NRG1: variants seen among roughly 807,000 people sequenced by gnomAD.
NRG1 encodes pro-neuregulin-1, membrane-bound isoform.
NRG1 carries 18 observed loss-of-function variants against 63.8 expected under a neutral mutation model. The ratio of observed to expected loss-of-function variants is 0.28; its 90% CI spans 0.19 to 0.42. The LOEUF (loss-of-function observed/expected upper bound fraction) is 0.42. NRG1 is among the 10% of genes least tolerant of loss of function. The pLI, the probability that NRG1 is intolerant of heterozygous loss-of-function variation, is 1.00. For synonymous variants in NRG1, 302 were observed against 301.3 expected (o/e 1.00, Z -0.02); for missense variants, 762 against 814.7 (o/e 0.94, Z 0.79).
intron 1 of NRG1, among the ~76,000 whole-genome samples, chr8:32,019,002 T>C (rs565453497): frequency 6.6e-6 from 1 of 152,392 alleles, no homozygotes; most frequent in South Asian, 2.1e-4. Context: ...GACATTTTCA[T>C]AGGCCTCAAC....
intron 1 of NRG1, among the ~76,000 whole-genome samples, chr8:31,890,246 AG>A (rs1831044706): frequency 1.3e-5 from 2 of 152,352 alleles, no homozygotes; most frequent in East Asian, 3.9e-4. Flanking sequence ...AATGGTTTAG[AG>A]AAGAGATCTT....
intron 1 of NRG1, among the ~76,000 whole-genome samples, chr8:31,977,133 C>T (rs1411082217): frequency 6.6e-6 from 1 of 152,130 alleles, no homozygotes; most frequent in African/African-American, 2.4e-5. Context: ...CGCAAACCAT[C>T]TATGTTCAAA....
At chr8:32,692,320 C>A (rs1348541300) in intron 5 of NRG1, among the ~76,000 whole-genome samples, 1 of 152,180 alleles carries the variant, frequency 6.6e-6, no homozygotes, top group African/African-American at 2.4e-5. Flanking sequence ...GAGTCAGTTT[C>A]ATTCAGTCTC....
intron 1 of NRG1, among the ~76,000 whole-genome samples, chr8:32,343,472 G>T (rs996220034): frequency 1.3e-5 from 2 of 152,070 alleles, no homozygotes; most frequent in African/African-American, 4.8e-5. Context: ...CTCCAGTTTT[G>T]TTTATGCATT....
chr8:32,576,706 C>T (rs535370232), intron 1 of NRG1, among the ~76,000 whole-genome samples: 2 of 151,994 alleles, frequency 1.3e-5, no homozygotes, highest in Non-Finnish European at 2.9e-5. Context: ...GTATGAGAAT[C>T]GCCTGCGATG....
chr8:32,100,292 C>T (rs1214811815), intron 1 of NRG1, among the ~76,000 whole-genome samples: 1 of 152,168 alleles, frequency 6.6e-6, no homozygotes, highest in Non-Finnish European at 1.5e-5. Flanking sequence ...GTAGTAAACT[C>T]AAGACAACAT....
chr8:32,052,270 TG>T (rs147714011), intron 1 of NRG1, among the ~76,000 whole-genome samples: 1,378 of 102,548 alleles, frequency 0.013, 18 homozygotes, highest in African/African-American at 0.048. Context: ...TCTTTCCTCC[TG>T]TTTTTTTTTT....
intron 1 of NRG1, among the ~76,000 whole-genome samples, chr8:32,149,564 G>C (rs1382769583): frequency 6.6e-6 from 1 of 152,130 alleles, no homozygotes; most frequent in African/African-American, 2.4e-5. Flanking sequence ...GTGTTTATGG[G>C]CTTATATGTT....
chr8:31,726,446 T>A (rs545379826), intron 1 of NRG1, among the ~76,000 whole-genome samples: 132 of 152,234 alleles, frequency 8.7e-4, no homozygotes, highest in Middle Eastern at 3.4e-3. Context: ...AATTTTGGCA[T>A]GTAACTTAAG....
intron 1 of NRG1, among the ~76,000 whole-genome samples, chr8:32,273,571 TTTAA>T (rs1378718949): frequency 1.3e-5 from 2 of 152,216 alleles, no homozygotes; most frequent in African/African-American, 4.8e-5. Context: ...TCTGCCTGTG[TTTAA>T]TTAAAGCACC....
chr8:32,130,089 C>T (rs925617928), intron 1 of NRG1, among the ~76,000 whole-genome samples: 42 of 151,920 alleles, frequency 2.8e-4, no homozygotes, highest in African/African-American at 9.9e-4. Flanking sequence ...TTAACGTCAT[C>T]GTTTATTCAG....
chr8:31,825,963 T>G (rs545117801), intron 1 of NRG1, among the ~76,000 whole-genome samples: 3 of 152,316 alleles, frequency 2.0e-5, no homozygotes, highest in African/African-American at 7.2e-5. Flanking sequence ...TCTCCATGAA[T>G]GCTAGATTCA....
At chr8:32,760,125 A>C in intron 10 of NRG1, 75 bp from the exon 11 acceptor site, 5 of 1,471,000 alleles carry the variant, frequency 3.4e-6, no homozygotes, top group Non-Finnish European at 4.7e-6. Context: ...GTCAGAATCC[A>C]TTCCTTTCAT....
chr8:32,047,631 T>A (rs903473149), intron 1 of NRG1, among the ~76,000 whole-genome samples: 1 of 152,010 alleles, frequency 6.6e-6, no homozygotes, highest in Non-Finnish European at 1.5e-5. Context: ...GATAGATTCC[T>A]TTTTATTTTT....
chr8:32,550,594 T>C (rs1217545539), intron 1 of NRG1, among the ~76,000 whole-genome samples: 5 of 152,128 alleles, frequency 3.3e-5, no homozygotes, highest in African/African-American at 1.2e-4. Context: ...TGTCAAGGGC[T>C]CCCAGCAGCA....
At chr8:32,532,409 T>C (rs1219214390) in intron 1 of NRG1, among the ~76,000 whole-genome samples, 1 of 152,156 alleles carries the variant, frequency 6.6e-6, no homozygotes, top group East Asian at 1.9e-4. Flanking sequence ...TACCTATGAC[T>C]TCCTATCAGA....
intron 7 of NRG1, among the ~76,000 whole-genome samples, chr8:32,748,001 T>C (rs944407152): frequency 6.6e-6 from 1 of 151,968 alleles, no homozygotes; most frequent in Non-Finnish European, 1.5e-5. Flanking sequence ...ATAAGAAATA[T>C]TTTGTTAATG....
intron 1 of NRG1, among the ~76,000 whole-genome samples, chr8:31,781,543 T>C (rs1041427249): frequency 6.6e-6 from 1 of 152,194 alleles, no homozygotes; most frequent in African/African-American, 2.4e-5. Context: ...GCACTGGTCA[T>C]CTGGCCTGCT....
chr8:32,143,333 T>C (rs1294027954), intron 1 of NRG1, among the ~76,000 whole-genome samples: 1 of 152,112 alleles, frequency 6.6e-6, no homozygotes. Context: ...TCAAAGTCAA[T>C]TAGAACCAGA....
Sources: gnomAD v4.1 joint callset for allele counts (sites outside exome capture counted in the v4.1 genomes callset) on GRCh38, gnomAD v4.1.1 for gene constraint, MANE v1.5 for transcripts, NCBI Gene and HGNC (gene_info 2026-07-23, HGNC 2026-07-21) for gene names.